Variants in ENY2 observed in about 807,000 individuals in gnomAD.
ENY2 encodes transcription and mRNA export factor ENY2.
A neutral mutation model predicts 15.9 loss-of-function variants in ENY2; 4 were observed. The observed-to-expected ratio is 0.25, with a 90% CI of 0.12 to 0.57. ENY2 has a LOEUF of 0.57. ENY2 is among the 20% of genes least tolerant of loss of function. The pLI is 0.91. For missense variants in ENY2, 54 were observed against 117.2 expected, an observed-to-expected ratio of 0.46 and a Z score of 2.49; for synonymous variants, 48 against 38.0, an observed-to-expected ratio of 1.26 and a Z score of -0.97.
chr8:109,342,559 G>A (rs1227590338), intron 4 of ENY2: 1 of 479,656 alleles, frequency 2.1e-6, no homozygotes, highest in South Asian at 2.7e-5. Flanking sequence ...ACCGAGGATG[G>A]AGTGCGGTGG....
chr8:109,335,864 T>A, intron 1 of ENY2: 1 of 250,902 alleles, frequency 4.0e-6, no homozygotes, highest in East Asian at 7.3e-5. Context: ...ATCAGTAAAA[T>A]ACAGATTATT....
intron 1 of ENY2, 136 bp from the exon 2 acceptor site, chr8:109,335,992 G>C: frequency 1.4e-6 from 1 of 736,642 alleles, no homozygotes; most frequent in Non-Finnish European, 2.2e-6. Context: ...AAAGAGTAAT[G>C]ATATTATTAA....
intron 3 of ENY2, among the ~76,000 whole-genome samples, chr8:109,340,069 C>G (rs1355907311): frequency 1.3e-5 from 2 of 151,932 alleles, no homozygotes; most frequent in African/African-American, 2.4e-5. Context: ...GGCTGGATGA[C>G]TTATTTAAGC....
rs1291233342 is a variant in ENY2 at position 109,345,629 on chromosome 8, A to G, written c.*2148A>G. On this transcript the variant is annotated 3_prime_UTR_variant, in exon 5 of 5. Coordinates refer to ENST00000521688, the MANE Select transcript of ENY2 (RefSeq NM_020189.6). ...CAATGAAAACAATCATAAATAGTAC[A>G]CAGGAAAGGTGAGAAATAGCGGATA... is the stretch of plus-strand genomic sequence containing the variant. The G allele has an allele frequency of 6.6e-6, 1 of 152,200 alleles. No individual in the cohort carries two copies. Among genetic ancestry groups the G allele is most frequent in the East Asian group, 1.9e-4 (1 of 5,196 alleles). The allele number at this position is 152,200 out of a possible 1,614,324, so 9.4% of individuals were successfully genotyped here.
intron 1 of ENY2, 50 bp from the exon 2 acceptor site, chr8:109,336,078 G>A (rs901294332): frequency 6.3e-7 from 1 of 1,575,904 alleles, no homozygotes; most frequent in African/African-American, 1.4e-5. Flanking sequence ...GGATTTAGCA[G>A]AAAATGCTTT....
chr8:109,342,701 G>A (rs188988722), intron 4 of ENY2: 10 of 697,084 alleles, frequency 1.4e-5, no homozygotes, highest in Admixed American at 6.0e-5. Flanking sequence ...GACAGGTTTC[G>A]CCATGTTGCC....
intron 4 of ENY2, chr8:109,342,937 CTT>C (rs1041021032): frequency 6.1e-6 from 3 of 488,536 alleles, no homozygotes; most frequent in African/African-American, 2.0e-5. Context: ...TTCTTCATCT[CTT>C]TTGTTCATGT....
intron 1 of ENY2, chr8:109,335,789 A>G: frequency 5.6e-6 from 1 of 177,138 alleles, no homozygotes; most frequent in East Asian, 1.4e-4. Flanking sequence ...TGGAGCTCCT[A>G]GGGTCAAAGT....
At chr8:109,334,664 C>T (rs1230501835) in intron 1 of ENY2, 190 bp downstream of exon 1, 2 of 611,906 alleles carry the variant, frequency 3.3e-6, no homozygotes, top group Non-Finnish European at 5.5e-6. Flanking sequence ...CCCGCCTCTC[C>T]CGCTGTCTCC....
Position 109,339,323 on chromosome 8 carries a change from C to A in ENY2, c.87C>A (p.Leu29=). The change falls in exon 3 of 5, where the codon CTC becomes CTA. Residue 29 remains leucine (L), a synonymous_variant. Transcript: ENST00000521688. ...GAAAACACTTCTGTTTCAACAGCCT[C>A]AAAGAGTTGCTGAGAGCTAAATTAA... ...KLIETGERER[L]KELLRAKLIE... 2 of 1,613,708 alleles carry A rather than the reference C, an allele frequency of 1.2e-6. No homozygotes were observed. Among genetic ancestry groups the A allele is most frequent in the Non-Finnish European group, 1.7e-6 (2 of 1,179,748 alleles).
Position 109,341,306 on chromosome 8 carries a change from G to C in ENY2, c.229+743G>C, listed in dbSNP as rs555887072. Among the ~76,000 whole-genome samples, 3 of 152,280 alleles carry C rather than the reference G, an allele frequency of 2.0e-5. No individual in the cohort carries two copies. The East Asian group carries it at 5.8e-4, about 29-fold the overall frequency. The stretch of plus-strand genomic sequence containing the variant: ...GAATTTAAGTGTAAAAAGTAAATAA[G>C]TTTGAAAATTATTACTACAGAACAT... On this transcript the variant is annotated intron_variant, in intron 4 of 4. Transcript: ENST00000521688.
At chr8:109,342,157 C>CCT (rs201571168) in intron 4 of ENY2, among the ~76,000 whole-genome samples, 4,136 of 122,356 alleles carry the variant, frequency 0.034, 80 homozygotes, top group Non-Finnish European at 0.053. Flanking sequence ...TTTTAGTTAA[C>CCT]CCCCCCCTTT....
At chr8:109,334,680 G>C in intron 1 of ENY2, 1 of 590,728 alleles carries the variant, frequency 1.7e-6, no homozygotes, top group South Asian at 2.2e-5. Flanking sequence ...TCTCCGCCCT[G>C]TTCTATTTTC....
intron 3 of ENY2, among the ~76,000 whole-genome samples, chr8:109,339,920 C>A (rs1384220819): frequency 1.3e-5 from 2 of 151,940 alleles, no homozygotes; most frequent in East Asian, 3.9e-4. Context: ...TTAATGAATC[C>A]CCATTGTAAT....
intron 3 of ENY2, 166 bp from the exon 4 acceptor site, chr8:109,340,322 TA>T: frequency 2.2e-6 from 2 of 909,726 alleles, no homozygotes; most frequent in Non-Finnish European, 1.6e-6. Context: ...CTTTTAGATC[TA>T]AAGAATACTT....
intron 4 of ENY2, chr8:109,340,786 A>G (rs1490066213): frequency 2.2e-6 from 1 of 452,078 alleles, no homozygotes. Context: ...CACCAATGCA[A>G]GTTGATACAG....
At chr8:109,339,197 C>A in intron 2 of ENY2, 123 bp from the exon 3 acceptor site, 1 of 763,048 alleles carries the variant, frequency 1.3e-6, no homozygotes, top group Non-Finnish European at 2.2e-6. Context: ...AAGATTAGGC[C>A]ACAGTTAAAG....
Position 109,344,497 on chromosome 8 carries a change from C to G in ENY2, c.*1016C>G, listed in dbSNP as rs997056300. 1 of 152,292 alleles carries G rather than the reference C, an allele frequency of 6.6e-6. No homozygotes were observed. Among genetic ancestry groups the G allele is most frequent in the Non-Finnish European group, 1.5e-5 (1 of 68,086 alleles). 9.4% of individuals were successfully genotyped at this position (152,292 alleles called of 1,614,324 possible). ...ATCCTAGCCTCCACACCCAGACACC[C>G]AACTGCTATGGATCAACTTTTTAGA... is the stretch of plus-strand genomic sequence containing the variant. On this transcript the variant is annotated 3_prime_UTR_variant, in exon 5 of 5. Coordinates refer to ENST00000521688, the MANE Select transcript of ENY2 (RefSeq NM_020189.6).
chr8:109,343,371 T>G (rs1816163462), intron 4 of ENY2, 34 bp from the exon 5 acceptor site: 2 of 1,557,686 alleles, frequency 1.3e-6, no homozygotes, highest in Admixed American at 3.6e-5. Flanking sequence ...AATTGGTACC[T>G]TCTTACTCTT....
Sources: gnomAD v4.1 joint callset for allele counts (sites outside exome capture counted in the v4.1 genomes callset) on GRCh38, gnomAD v4.1.1 for gene constraint, MANE v1.5 for transcripts, NCBI Gene and HGNC (gene_info 2026-07-23, HGNC 2026-07-21) for gene names.